Variants in SIAH3 observed in about 807,000 individuals in gnomAD.
SIAH3 encodes the protein seven in absentia homolog 3.
Under a neutral mutation model 12.6 loss-of-function variants are expected in SIAH3, and 9 were observed. That is an observed-to-expected ratio of 0.72 (90% CI 0.43 to 1.25). SIAH3 has a LOEUF of 1.25. SIAH3 is among the 50% of genes most tolerant of loss of function. The pLI is 0.00. For synonymous variants in SIAH3, 154 were observed against 151.1 expected, an observed-to-expected ratio of 1.02 and a Z score of -0.14; for missense variants, 390 against 365.4, an observed-to-expected ratio of 1.07 and a Z score of -0.55.
At chr13:45,812,458 G>C (rs1049678831) in intron 1 of SIAH3, among the ~76,000 whole-genome samples, 5 of 151,590 alleles carry the variant, frequency 3.3e-5, no homozygotes, top group African/African-American at 1.2e-4. Flanking sequence ...TAAAATTAGT[G>C]CCTGCTAAAG....
chr13:45,798,324 CCA>C (rs1950569907), intron 1 of SIAH3, among the ~76,000 whole-genome samples: 1 of 152,194 alleles, frequency 6.6e-6, no homozygotes, highest in African/African-American at 2.4e-5. Flanking sequence ...CATAGTGAAT[CCA>C]TTCATTCAAT....
intron 1 of SIAH3, among the ~76,000 whole-genome samples, chr13:45,843,373 C>G (rs1400120775): frequency 6.6e-6 from 1 of 152,116 alleles, no homozygotes; most frequent in Non-Finnish European, 1.5e-5. Flanking sequence ...GATATATACT[C>G]TTCGAATCAG....
chr13:45,811,336 T>C (rs994626892), intron 1 of SIAH3, among the ~76,000 whole-genome samples: 2 of 152,196 alleles, frequency 1.3e-5, no homozygotes, highest in Non-Finnish European at 2.9e-5. Flanking sequence ...CAATGAATAT[T>C]TCCTAACAGA....
At chr13:45,839,454 C>T (rs964248372) in intron 1 of SIAH3, among the ~76,000 whole-genome samples, 2 of 152,198 alleles carry the variant, frequency 1.3e-5, no homozygotes, top group African/African-American at 4.8e-5. Context: ...TCATAGAGCA[C>T]AAACTTCCTT....
At chr13:45,813,769 G>A (rs1950624258) in intron 1 of SIAH3, among the ~76,000 whole-genome samples, 1 of 152,158 alleles carries the variant, frequency 6.6e-6, no homozygotes, top group Non-Finnish European at 1.5e-5. Flanking sequence ...ACATGGCAGA[G>A]AGAGGGAGGA....
intron 1 of SIAH3, among the ~76,000 whole-genome samples, chr13:45,787,204 C>T (rs1254917016): frequency 2.0e-5 from 3 of 152,104 alleles, no homozygotes; most frequent in Non-Finnish European, 4.4e-5. Context: ...TTTGCACCTG[C>T]ATGCAAATGT....
At chr13:45,814,111 C>T (rs1035347299) in intron 1 of SIAH3, among the ~76,000 whole-genome samples, 43 of 151,874 alleles carry the variant, frequency 2.8e-4, no homozygotes, top group African/African-American at 1.0e-3. Context: ...TGGTGGCGGG[C>T]ACCTGTAGTC....
chr13:45,819,938 G>A (rs1195192762), intron 1 of SIAH3, among the ~76,000 whole-genome samples: 5 of 152,206 alleles, frequency 3.3e-5, no homozygotes, highest in South Asian at 2.1e-4. Context: ...GGGTTCAGTC[G>A]TGTGGTGAGG....
intron 1 of SIAH3, among the ~76,000 whole-genome samples, chr13:45,806,212 T>C (rs1306995535): frequency 6.6e-6 from 1 of 152,170 alleles, no homozygotes; most frequent in African/African-American, 2.4e-5. Context: ...AATTCCATTA[T>C]GGAGTATATA....
chr13:45,803,169 T>G (rs1370964190), intron 1 of SIAH3, among the ~76,000 whole-genome samples: 4 of 152,204 alleles, frequency 2.6e-5, no homozygotes, highest in Admixed American at 2.0e-4. Context: ...GGCCTGCATT[T>G]TCTATAGCTC....
chr13:45,825,353 C>A (rs1010897191), intron 1 of SIAH3, among the ~76,000 whole-genome samples: 1 of 152,134 alleles, frequency 6.6e-6, no homozygotes, highest in Non-Finnish European at 1.5e-5. Flanking sequence ...AAAATTAGAG[C>A]TTTTAAATCA....
At chr13:45,801,333 T>C (rs1423539654) in intron 1 of SIAH3, among the ~76,000 whole-genome samples, 1 of 152,186 alleles carries the variant, frequency 6.6e-6, no homozygotes, top group African/African-American at 2.4e-5. Flanking sequence ...AGGTGAGCAC[T>C]CCTGGAAGAC....
intron 1 of SIAH3, among the ~76,000 whole-genome samples, chr13:45,822,610 G>A (rs1208307201): frequency 6.9e-6 from 1 of 144,388 alleles, no homozygotes; most frequent in Non-Finnish European, 1.5e-5. Flanking sequence ...CTGGGCAGTA[G>A]GATTATAGGT....
Position 45,783,617 on chromosome 13 carries a change from G to A in SIAH3, c.576C>T (p.Thr192=). The A allele has an allele frequency of 6.2e-7, 1 of 1,614,170 alleles. No homozygotes were observed. The highest frequency in any genetic ancestry group is 8.5e-7 in the Non-Finnish European group (1 of 1,180,006). Residue 192 remains threonine (T), a synonymous_variant, in exon 2 of 2, where the codon ACC becomes ACT. Coordinates refer to ENST00000400405, the MANE Select transcript of SIAH3 (RefSeq NM_198849.3). The part of the protein sequence containing the change: ...QFFATMMLIG[T]PTQADCFTYR... ...AGGTGAAGCAGTCGGCCTGGGTGGG[G>A]GTCCCAATCAGCATCATGGTGGCAA...
chr13:45,835,282 G>T (rs1427558281), intron 1 of SIAH3, among the ~76,000 whole-genome samples: 1 of 152,178 alleles, frequency 6.6e-6, no homozygotes, highest in Non-Finnish European at 1.5e-5. Flanking sequence ...CTAGTCTTCA[G>T]ATTATCAACT....
intron 1 of SIAH3, among the ~76,000 whole-genome samples, chr13:45,786,407 A>G (rs1419567650): frequency 6.6e-6 from 1 of 152,196 alleles, no homozygotes; most frequent in African/African-American, 2.4e-5. Flanking sequence ...AGAGAGATTG[A>G]GTCACTTGCC....
chr13:45,801,099 G>GGC (rs776014825), intron 1 of SIAH3, among the ~76,000 whole-genome samples: 86 of 126,018 alleles, frequency 6.8e-4, no homozygotes, highest in Admixed American at 1.0e-3. Context: ...GGGTGGCGGG[G>GGC]GGGGGCATGG....
intron 1 of SIAH3, among the ~76,000 whole-genome samples, chr13:45,809,510 G>A (rs1299310066): frequency 6.6e-6 from 1 of 152,150 alleles, no homozygotes; most frequent in Non-Finnish European, 1.5e-5. Flanking sequence ...TCAATAATTT[G>A]GGCCCTCTTT....
chr13:45,807,946 C>A (rs1427562055), intron 1 of SIAH3, among the ~76,000 whole-genome samples: 2 of 152,198 alleles, frequency 1.3e-5, no homozygotes, highest in Non-Finnish European at 2.9e-5. Context: ...AAGCTCATTA[C>A]TTCCTAAATA....
Sources: gnomAD v4.1 joint callset for allele counts (sites outside exome capture counted in the v4.1 genomes callset) on GRCh38, gnomAD v4.1.1 for gene constraint, MANE v1.5 for transcripts, NCBI Gene and HGNC (gene_info 2026-07-23, HGNC 2026-07-21) for gene names.